The following LRRTM4 variants were observed in gnomAD, a reference collection of about 807,000 sequenced individuals.
The protein encoded by LRRTM4 is leucine-rich repeat transmembrane neuronal protein 4.
Under a neutral mutation model 47.6 loss-of-function variants are expected in LRRTM4, and 25 were observed. The ratio of observed to expected loss-of-function variants is 0.53; its 90% confidence interval spans 0.38 to 0.73. The LOEUF is 0.73. Ranked by LOEUF, LRRTM4 falls within the 30% of genes least tolerant of loss-of-function variation. LRRTM4 has a pLI of 0.00. For synonymous variants in LRRTM4, 311 were observed against 269.5 expected (o/e 1.15, Z -1.51); for missense variants, 638 against 713.4 (o/e 0.89, Z 1.20).
rs1461864727 is a variant in LRRTM4, at chr2:76,955,770, C to T, written c.1552-206854G>A. Among the ~76,000 whole-genome samples, 7 of 151,690 alleles carry T rather than the reference C, an allele frequency of 4.6e-5. No homozygotes were observed. The East Asian group carries it at 9.8e-4, about 21-fold the overall frequency. On this transcript the variant is annotated intron_variant, in intron 3 of 3. Transcript: ENST00000409884. ...GGGGAGGGTACAAGGAGTGGATGAC[C>T]GTCTGCAACCAAGAGTGGGCCCTCA...
intron 3 of LRRTM4, among the ~76,000 whole-genome samples, chr2:77,076,029 A>G (rs1488675336): frequency 6.6e-6 from 1 of 151,036 alleles, no homozygotes; most frequent in Non-Finnish European, 1.5e-5. Context: ...ATTTCCATTT[A>G]TATCAGTACT....
chr2:77,183,524 A>G (rs1005819692), intron 3 of LRRTM4, among the ~76,000 whole-genome samples: 18 of 152,276 alleles, frequency 1.2e-4, no homozygotes, highest in African/African-American at 3.9e-4. Context: ...TCAGTGTGGC[A>G]ATTCCTCAGG....
At chr2:77,394,403 C>A (rs932519601) in intron 3 of LRRTM4, among the ~76,000 whole-genome samples, 8 of 151,812 alleles carry the variant, frequency 5.3e-5, no homozygotes, top group Non-Finnish European at 7.4e-5. Flanking sequence ...GAGTTAATTT[C>A]TGAGATGATG....
intron 3 of LRRTM4, among the ~76,000 whole-genome samples, chr2:76,920,114 G>A (rs1047760009): frequency 6.6e-6 from 1 of 152,076 alleles, no homozygotes; most frequent in East Asian, 1.9e-4. Flanking sequence ...AACGTAATAT[G>A]AGATCCTTGC....
chr2:77,240,323 T>C (rs574592945), intron 3 of LRRTM4, among the ~76,000 whole-genome samples: 2 of 151,986 alleles, frequency 1.3e-5, no homozygotes, highest in Non-Finnish European at 2.9e-5. Context: ...TCTCAACGAA[T>C]GCAGAATATG....
At chr2:77,071,903 C>T (rs946301698) in intron 3 of LRRTM4, among the ~76,000 whole-genome samples, 4 of 152,160 alleles carry the variant, frequency 2.6e-5, no homozygotes, top group African/African-American at 7.2e-5. Flanking sequence ...ACCACCTCCA[C>T]TACAGCTCAG....
chr2:77,186,140 C>G (rs1673499230), intron 3 of LRRTM4, among the ~76,000 whole-genome samples: 1 of 152,146 alleles, frequency 6.6e-6, no homozygotes, highest in South Asian at 2.1e-4. Context: ...TTCTATCAAA[C>G]TAGTTCTCAG....
chr2:77,127,094 T>G (rs375537237), intron 3 of LRRTM4, among the ~76,000 whole-genome samples: 1 of 152,202 alleles, frequency 6.6e-6, no homozygotes, highest in African/African-American at 2.4e-5. Flanking sequence ...TTATGTGATA[T>G]GTCATAGTTT....
chr2:76,751,049 G>A (rs903743453), intron 3 of LRRTM4, among the ~76,000 whole-genome samples: 1 of 152,162 alleles, frequency 6.6e-6, no homozygotes, highest in African/African-American at 2.4e-5. Flanking sequence ...TTATGTATGT[G>A]CATATCAATG....
intron 3 of LRRTM4, among the ~76,000 whole-genome samples, chr2:76,914,280 G>T (rs1287983122): frequency 4.0e-5 from 6 of 151,702 alleles, no homozygotes; most frequent in Non-Finnish European, 8.8e-5. Context: ...TTATAACTAT[G>T]GCTATGTCAT....
At chr2:77,314,474 A>G (rs1677561429) in intron 3 of LRRTM4, among the ~76,000 whole-genome samples, 1 of 152,214 alleles carries the variant, frequency 6.6e-6, no homozygotes, top group East Asian at 1.9e-4. Flanking sequence ...TTTTCTAAGA[A>G]TAGGATCTTA....
At chr2:77,111,341 A>G (rs1671245062) in intron 3 of LRRTM4, among the ~76,000 whole-genome samples, 1 of 138,142 alleles carries the variant, frequency 7.2e-6, no homozygotes. Context: ...GTTGGCCAGG[A>G]TGGTCTCCAT....
intron 3 of LRRTM4, among the ~76,000 whole-genome samples, chr2:77,037,481 C>G (rs1678875467): frequency 6.6e-6 from 1 of 151,610 alleles, no homozygotes; most frequent in East Asian, 1.9e-4. Flanking sequence ...CATGTTTTGT[C>G]TCTAAATTCT....
chr2:77,054,671 C>T (rs754675396), intron 3 of LRRTM4, among the ~76,000 whole-genome samples: 8 of 152,130 alleles, frequency 5.3e-5, no homozygotes, highest in Non-Finnish European at 7.4e-5. Flanking sequence ...TAATGACTCC[C>T]ATTTATAATT....
chr2:76,951,786 C>A (rs1371455261), intron 3 of LRRTM4, among the ~76,000 whole-genome samples: 1 of 151,788 alleles, frequency 6.6e-6, no homozygotes, highest in Non-Finnish European at 1.5e-5. Context: ...CCCCTTGCTC[C>A]CCTCCCCCTG....
chr2:77,243,782 T>A (rs546094349), intron 3 of LRRTM4, among the ~76,000 whole-genome samples: 4 of 147,480 alleles, frequency 2.7e-5, no homozygotes, highest in African/African-American at 7.5e-5. Context: ...CCTTTTTTTT[T>A]ATTATACTTT....
intron 3 of LRRTM4, among the ~76,000 whole-genome samples, chr2:76,934,860 G>C (rs1674889017): frequency 6.6e-6 from 1 of 151,406 alleles, no homozygotes; most frequent in Admixed American, 6.6e-5. Context: ...AAGGTATTCA[G>C]CAGTGTATCA....
chr2:76,979,389 C>T (rs1676519858), intron 3 of LRRTM4, among the ~76,000 whole-genome samples: 1 of 151,808 alleles, frequency 6.6e-6, no homozygotes, highest in South Asian at 2.1e-4. Flanking sequence ...AAAAAAGGGA[C>T]CTTCATTGCA....
intron 3 of LRRTM4, among the ~76,000 whole-genome samples, chr2:77,243,298 T>A (rs902123680): frequency 6.6e-6 from 1 of 151,620 alleles, no homozygotes; most frequent in Non-Finnish European, 1.5e-5. Flanking sequence ...TAATCCCAGC[T>A]ACTCAGGAGG....
Sources: gnomAD v4.1 joint callset for allele counts (sites outside exome capture counted in the v4.1 genomes callset) on GRCh38, gnomAD v4.1.1 for gene constraint, MANE v1.5 for transcripts, NCBI Gene and HGNC (gene_info 2026-07-23, HGNC 2026-07-21) for gene names.